The following DPP10 variants were observed in gnomAD, a reference collection of about 807,000 sequenced individuals.
The protein encoded by DPP10 is inactive dipeptidyl peptidase 10.
DPP10 carries 33 observed loss-of-function variants against 120.9 expected under a neutral mutation model. The observed-to-expected ratio is 0.27, with a 90% CI of 0.21 to 0.37. The LOEUF (loss-of-function observed/expected upper bound fraction) is 0.37. Ranked by LOEUF, DPP10 falls within the 10% of genes least tolerant of loss-of-function variation. DPP10 has a pLI of 1.00. For missense variants in DPP10, 816 were observed against 942.8 expected (o/e 0.87, Z 1.76); for synonymous variants, 337 against 326.1 (o/e 1.03, Z -0.36).
chr2:115,483,688 T>G (rs2075588381), intron 3 of DPP10, among the ~76,000 whole-genome samples: 1 of 152,118 alleles, frequency 6.6e-6, no homozygotes, highest in Non-Finnish European at 1.5e-5. Context: ...ACATTCATGT[T>G]CTAACACTGA....
At chr2:114,636,825 T>G (rs1312845599) in intron 1 of DPP10, among the ~76,000 whole-genome samples, 1 of 151,846 alleles carries the variant, frequency 6.6e-6, no homozygotes, top group African/African-American at 2.4e-5. Flanking sequence ...ATAAGACTTT[T>G]GTGTCACAAA....
At chr2:115,719,179 C>T (rs1469060616) in intron 7 of DPP10, among the ~76,000 whole-genome samples, 6 of 152,048 alleles carry the variant, frequency 3.9e-5, no homozygotes, top group African/African-American at 4.8e-5. Context: ...TAACTTTTAT[C>T]TGGTATCCAT....
At chr2:114,619,653 C>A (rs1385906969) in intron 1 of DPP10, among the ~76,000 whole-genome samples, 2 of 152,004 alleles carry the variant, frequency 1.3e-5, no homozygotes, top group Non-Finnish European at 2.9e-5. Flanking sequence ...GCATTGATGG[C>A]AGCATATCTC....
intron 1 of DPP10, among the ~76,000 whole-genome samples, chr2:114,691,562 GGATGATGCT>G (rs1242616177): frequency 6.6e-6 from 1 of 152,042 alleles, no homozygotes; most frequent in Non-Finnish European, 1.5e-5. Flanking sequence ...TTTTGTATCC[GGATGATGCT>G]GACCTCATAG....
chr2:115,699,761 A>G (rs1206339128), intron 7 of DPP10, among the ~76,000 whole-genome samples: 2 of 152,336 alleles, frequency 1.3e-5, no homozygotes, highest in South Asian at 2.1e-4. Context: ...TCTTATGAAC[A>G]TTTATGTAAA....
intron 1 of DPP10, among the ~76,000 whole-genome samples, chr2:115,026,456 C>A (rs1046993628): frequency 6.6e-6 from 1 of 152,104 alleles, no homozygotes; most frequent in Non-Finnish European, 1.5e-5. Flanking sequence ...ATGATGCCTG[C>A]AGCTTTGTTC....
At chr2:115,708,574 C>A (rs1413898873) in intron 7 of DPP10, among the ~76,000 whole-genome samples, 1 of 151,896 alleles carries the variant, frequency 6.6e-6, no homozygotes, top group Non-Finnish European at 1.5e-5. Context: ...AAAGCTTGTC[C>A]ACTAACTTTT....
rs976329315 is a variant in DPP10, at chr2:115,373,982, C to T, written c.271+30070C>T. Among the ~76,000 whole-genome samples the T allele has an allele frequency of 5.9e-5, 9 of 151,894 alleles. 1 individual carries two copies. The highest frequency in any genetic ancestry group is 4.1e-4 in the South Asian group (2 of 4,826). ...ACTCACTATCATGAGAAAAACAAGG[C>T]GGATATCTGCCCCCATGTTCCAGTC... On this transcript the variant is annotated intron_variant, in intron 3 of 25. Coordinates refer to ENST00000410059, the MANE Select transcript of DPP10 (RefSeq NM_020868.6).
chr2:115,547,354 A>G (rs1439823397), intron 5 of DPP10, among the ~76,000 whole-genome samples: 1 of 152,220 alleles, frequency 6.6e-6, no homozygotes, highest in Non-Finnish European at 1.5e-5. Flanking sequence ...GTCACTTTGT[A>G]AATGAGAGTA....
rs1028784775 is a variant in DPP10, at chr2:115,188,620, G to A, written c.61-120619G>A. 3.3e-5 allele frequency among the ~76,000 whole-genome samples: 5 copies of A among 152,170 alleles called. No individual in the cohort carries two copies. In the South Asian group the frequency reaches 1.0e-3, roughly 32 times the overall value. On this transcript the variant is annotated intron_variant, in intron 1 of 25. Transcript: ENST00000410059. ...TACTTGCTTATAAAAAGAGATATAG[G>A]AATTTATACTACACTGCAATACCAT...
chr2:115,328,474 C>T lies in DPP10; in HGVS notation c.176-15343C>T, dbSNP rs140402995. Among the ~76,000 whole-genome samples the T allele has an allele frequency of 3.5e-3, 536 of 152,162 alleles. 1 individual carries two copies. Among genetic ancestry groups the T allele is most frequent in the African/African-American group, 0.012 (502 of 41,552 alleles). On this transcript the variant is annotated intron_variant, in intron 2 of 25. Coordinates refer to ENST00000410059, the MANE Select transcript of DPP10 (RefSeq NM_020868.6). ...GAGGTAAAATTTAATAATAGTCCTT[C>T]AGAACCTAAAGGTACATTTCTTATT...
intron 1 of DPP10, among the ~76,000 whole-genome samples, chr2:114,560,852 TG>T (rs1688709118): frequency 6.6e-6 from 1 of 152,256 alleles, no homozygotes; most frequent in African/African-American, 2.4e-5. Flanking sequence ...CACAAGCGTA[TG>T]TTTGATTCAC....
At chr2:115,230,758 A>G (rs1421616154) in intron 1 of DPP10, among the ~76,000 whole-genome samples, 1 of 152,020 alleles carries the variant, frequency 6.6e-6, no homozygotes, top group African/African-American at 2.4e-5. Context: ...ATTAATTATG[A>G]AAAATTGGAA....
At chr2:114,894,138 T>C (rs1171917550) in intron 1 of DPP10, among the ~76,000 whole-genome samples, 2 of 152,218 alleles carry the variant, frequency 1.3e-5, no homozygotes, top group African/African-American at 2.4e-5. Flanking sequence ...AGTGCTGCTA[T>C]GTGGCAAGTT....
chr2:115,373,669 G>T (rs993919723), intron 3 of DPP10, among the ~76,000 whole-genome samples: 1 of 151,986 alleles, frequency 6.6e-6, no homozygotes, highest in Non-Finnish European at 1.5e-5. Flanking sequence ...ATAAAGTTCT[G>T]ATGGATTTAT....
chr2:114,531,872 C>CAA (rs1686017825), intron 1 of DPP10, among the ~76,000 whole-genome samples: 2 of 151,972 alleles, frequency 1.3e-5, no homozygotes, highest in African/African-American at 4.8e-5. Flanking sequence ...TTGTGAAACA[C>CAA]TATTTCTGGG....
intron 19 of DPP10, among the ~76,000 whole-genome samples, chr2:115,807,468 G>T (rs887634837): frequency 1.3e-5 from 2 of 152,054 alleles, no homozygotes; most frequent in African/African-American, 2.4e-5. Flanking sequence ...TTTTGGATTT[G>T]TACTACAGTA....
intron 1 of DPP10, among the ~76,000 whole-genome samples, chr2:115,306,183 T>A (rs535822501): frequency 1.3e-5 from 2 of 152,170 alleles, no homozygotes; most frequent in Admixed American, 6.6e-5. Context: ...ACTGGTACAG[T>A]GTATTTTAGG....
intron 1 of DPP10, among the ~76,000 whole-genome samples, chr2:115,254,209 A>C (rs2058873974): frequency 6.6e-6 from 1 of 152,188 alleles, no homozygotes; most frequent in South Asian, 2.1e-4. Flanking sequence ...ACCTACAATC[A>C]TGGTGGAAGG....
Sources: gnomAD v4.1 joint callset for allele counts (sites outside exome capture counted in the v4.1 genomes callset) on GRCh38, gnomAD v4.1.1 for gene constraint, MANE v1.5 for transcripts, NCBI Gene and HGNC (gene_info 2026-07-23, HGNC 2026-07-21) for gene names.